Variants in PAAF1 observed in about 807,000 individuals in gnomAD.
PAAF1 encodes the protein proteasomal ATPase-associated factor 1.
Under a neutral mutation model 52.8 loss-of-function variants are expected in PAAF1, and 46 were observed. The ratio of observed to expected loss-of-function variants is 0.87; its 90% CI spans 0.69 to 1.11. PAAF1 has a LOEUF of 1.11. Ranked by LOEUF, PAAF1 falls within the 50% of genes most tolerant of loss-of-function variation. PAAF1 has a pLI of 0.00. For missense variants in PAAF1, 424 were observed against 477.4 expected, an observed-to-expected ratio of 0.89 and a Z score of 1.04; for synonymous variants, 178 against 172.8, an observed-to-expected ratio of 1.03 and a Z score of -0.24.
At position 73,909,620 on chromosome 11, in the gene PAAF1, G is replaced by A. The variant is rs377108027; in HGVS notation, c.727+27G>A. The A allele has an allele frequency of 5.6e-6, 9 of 1,604,012 alleles. 1 individual carries two copies. The Middle Eastern group carries it at 1.0e-3, about 178-fold the overall frequency. ...TAAGTTGATAATGATATGTAGCATTGTTTTATTTTCTTAGGCCCCCTTCAG... is the reference window on the plus strand; with the variant it reads ...TAAGTTGATAATGATATGTAGCATTATTTTATTTTCTTAGGCCCCCTTCAG... On this transcript the variant is annotated intron_variant, in intron 7 of 11. Coordinates refer to ENST00000310571, the MANE Select transcript of PAAF1 (RefSeq NM_025155.3).
In PAAF1 at chr11:73,908,628, C is replaced by T. The variant is rs189410588; in HGVS notation, c.533-771C>T. On this transcript the variant is annotated intron_variant, in intron 6 of 11. Transcript: ENST00000310571. The stretch of plus-strand genomic sequence containing the variant: ...CACCCAGGCTGGTCTTAAACTCCTG[C>T]GCTCAAGAGATTCTCCTGCCTCAGC... Among the ~76,000 whole-genome samples the T allele has an allele frequency of 8.7e-4, 132 of 151,796 alleles. 1 individual carries two copies. The highest frequency in any genetic ancestry group is 1.5e-3 in the Non-Finnish European group (102 of 67,938).
chr11:73,880,736 C>T (rs1246375545), intron 2 of PAAF1: 1 of 147,004 alleles, frequency 6.8e-6, no homozygotes, highest in African/African-American at 2.5e-5. Flanking sequence ...CAGCAGCTCA[C>T]GCCTGTGATC....
chr11:73,882,694 C>T (rs946025676), intron 2 of PAAF1, among the ~76,000 whole-genome samples: 3 of 152,082 alleles, frequency 2.0e-5, no homozygotes, highest in Non-Finnish European at 4.4e-5. Flanking sequence ...GCTCCGCCTT[C>T]CAGGTTCATG....
intron 2 of PAAF1, among the ~76,000 whole-genome samples, chr11:73,883,419 T>G (rs549421019): frequency 6.6e-6 from 1 of 152,248 alleles, no homozygotes; most frequent in South Asian, 2.1e-4. Flanking sequence ...TAGTTTACTT[T>G]CTAGCTCTGT....
rs1950306716 is a variant in PAAF1 at position 73,924,686 on chromosome 11, C to G, written c.1090C>G (p.Pro364Ala). ...VTELTGADCD[P>A]VYKVATWEKQ... Reference sequence around the variant, plus strand: ...TGAGCTCACTGGGGCTGACTGTGACCCTGTGTACAAGGTACAGGCCTGAGA... The same window carrying G: ...TGAGCTCACTGGGGCTGACTGTGACGCTGTGTACAAGGTACAGGCCTGAGA... The change falls in exon 11 of 12, where the codon CCT becomes GCT. Residue 364 changes from proline (P) to alanine (A), a missense_variant. Pro to Ala is a conservative substitution (Grantham distance 27, BLOSUM62 -1). Transcript: ENST00000310571. The G allele has an allele frequency of 1.2e-6, 2 of 1,613,738 alleles. No individual in the cohort carries two copies. Among genetic ancestry groups the G allele is most frequent in the Non-Finnish European group, 8.5e-7 (1 of 1,179,756 alleles).
At chr11:73,926,295 G>A (rs1399134833) in intron 11 of PAAF1, among the ~76,000 whole-genome samples, 1 of 152,080 alleles carries the variant, frequency 6.6e-6, no homozygotes. Flanking sequence ...TAGTAGAGAC[G>A]AGGTTTCTCC....
rs111323701 is a variant in PAAF1, at chr11:73,899,205, G to T, written c.342G>T (p.Gly114=). ...GGLGVSSSTD[G]TMKIWQASNG... is the part of the protein sequence containing the mutation. ...TTGGTGTGTCTTCTAGTACTGACGG[G>T]ACCATGAAAATCTGGCAGGCTTCCA... Residue 114 remains glycine, a synonymous_variant, in exon 5 of 12, where the codon GGG becomes GGT. Coordinates refer to ENST00000310571, the MANE Select transcript of PAAF1 (RefSeq NM_025155.3). The T allele has an allele frequency of 1.4e-3, 2,264 of 1,614,016 alleles. 16 individuals are homozygous for T. In the African/African-American group the frequency reaches 0.014, roughly 10 times the overall value.
At chr11:73,891,773 T>C (rs1176397009) in intron 4 of PAAF1, among the ~76,000 whole-genome samples, 3 of 152,096 alleles carry the variant, frequency 2.0e-5, no homozygotes, top group South Asian at 2.1e-4. Context: ...AAAAAATAAA[T>C]AAAAATAAAT....
At chr11:73,924,231 G>A (rs925430560) in intron 10 of PAAF1, among the ~76,000 whole-genome samples, 1 of 152,030 alleles carries the variant, frequency 6.6e-6, no homozygotes, top group Non-Finnish European at 1.5e-5. Flanking sequence ...GAGGCAGGTG[G>A]ATCACCTGAG....
intron 4 of PAAF1, among the ~76,000 whole-genome samples, chr11:73,894,836 T>C (rs893995350): frequency 1.3e-5 from 2 of 151,526 alleles, no homozygotes; most frequent in Non-Finnish European, 2.9e-5. Flanking sequence ...AAAATAAAAT[T>C]AGCTGGATGT....
chr11:73,878,678 T>C, intron 1 of PAAF1, 101 bp from the exon 2 acceptor site: 3 of 1,002,942 alleles, frequency 3.0e-6, no homozygotes, highest in Non-Finnish European at 4.6e-6. Flanking sequence ...CTAAGTACTA[T>C]GACCAAGCTG....
chr11:73,893,867 T>C (rs111690592), intron 4 of PAAF1, among the ~76,000 whole-genome samples: 2 of 152,088 alleles, frequency 1.3e-5, no homozygotes, highest in African/African-American at 4.8e-5. Context: ...AAGACCAGCC[T>C]GGACAACATA....
chr11:73,900,513 C>T, intron 6 of PAAF1, 93 bp downstream of exon 6: 1 of 1,382,858 alleles, frequency 7.2e-7, no homozygotes, highest in Non-Finnish European at 9.7e-7. Context: ...TTCACAAATA[C>T]ACAAATAATC....
In PAAF1 at chr11:73,930,885, G is replaced by C. The variant is rs1950450099; in HGVS notation, c.*3523G>C. 1 of 151,876 alleles carries C rather than the reference G, an allele frequency of 6.6e-6. No individual in the cohort carries two copies. 9.4% of individuals were successfully genotyped at this position (151,876 alleles called of 1,614,324 possible). ...ATGGTCATAGGGTGCAAAGTCTCAG[G>C]AGGAATATATTGTGTTTTGAGATCT... On this transcript the variant is annotated 3_prime_UTR_variant, in exon 12 of 12. Coordinates refer to ENST00000310571, the MANE Select transcript of PAAF1 (RefSeq NM_025155.3).
At position 73,927,399 on chromosome 11, in the gene PAAF1, T is replaced by G; in HGVS notation, c.*37T>G. On this transcript the variant is annotated 3_prime_UTR_variant, in exon 12 of 12. Transcript: ENST00000310571. ...GAGCAGTCCCGGTTAGTGAAAAGGTTTGACCCTGATCAACAATGAGCAGAA... is the reference window on the plus strand; with the variant it reads ...GAGCAGTCCCGGTTAGTGAAAAGGTGTGACCCTGATCAACAATGAGCAGAA... The G allele has an allele frequency of 6.5e-7, 1 of 1,535,492 alleles. No homozygotes were observed.
intron 2 of PAAF1, among the ~76,000 whole-genome samples, chr11:73,883,636 C>G (rs1471399151): frequency 1.3e-5 from 2 of 152,000 alleles, no homozygotes; most frequent in African/African-American, 4.8e-5. Context: ...TGTGCCTCAG[C>G]CTCCTGAGTA....
intron 10 of PAAF1, among the ~76,000 whole-genome samples, chr11:73,922,443 C>A (rs1415205995): frequency 6.6e-6 from 1 of 152,082 alleles, no homozygotes; most frequent in African/African-American, 2.4e-5. Flanking sequence ...GTAGTGGGCA[C>A]CCCTAACTCT....
At chr11:73,893,738 C>CAAAAAAAAAAAAAAAAAA (rs564348245) in intron 4 of PAAF1, among the ~76,000 whole-genome samples, 1 of 71,964 alleles carries the variant, frequency 1.4e-5, no homozygotes, top group Non-Finnish European at 2.6e-5. Context: ...ACTCTGTCTC[C>CAAAAAAAAAAAAAAAAAA]AAAAAAAAAA....
At chr11:73,892,360 C>G (rs1422688047) in intron 4 of PAAF1, among the ~76,000 whole-genome samples, 1 of 150,670 alleles carries the variant, frequency 6.6e-6, no homozygotes, top group Non-Finnish European at 1.5e-5. Flanking sequence ...AGAAAAAGAG[C>G]TCTTTTTCAC....
Sources: gnomAD v4.1 joint callset for allele counts (sites outside exome capture counted in the v4.1 genomes callset) on GRCh38, gnomAD v4.1.1 for gene constraint, MANE v1.5 for transcripts, NCBI Gene and HGNC (gene_info 2026-07-23, HGNC 2026-07-21) for gene names.